BRINP2: variants seen among roughly 807,000 people sequenced by gnomAD.
BRINP2 encodes BMP/retinoic acid inducible neural specific 2.
A neutral mutation model predicts 69.2 loss-of-function variants in BRINP2; 21 were observed. The observed-to-expected ratio is 0.30, with a 90% CI of 0.22 to 0.44. The LOEUF is 0.44. Ranked by LOEUF, BRINP2 falls within the 20% of genes least tolerant of loss-of-function variation. The probability of loss-of-function intolerance (pLI) is 1.00; values close to 1 mark genes in which losing one functional copy is unlikely to be tolerated. For missense variants in BRINP2, 877 were observed against 986.0 expected (o/e 0.89, Z 1.48); for synonymous variants, 380 against 394.1 (o/e 0.96, Z 0.42).
At chr1:177,192,486 A>G (rs1181209392) in intron 1 of BRINP2, among the ~76,000 whole-genome samples, 1 of 152,102 alleles carries the variant, frequency 6.6e-6, no homozygotes, top group African/African-American at 2.4e-5. Context: ...TTGGTTTCCA[A>G]CTCTGTCTAA....
At chr1:177,255,897 T>TATCCCTTGGCTTTTCCCCC in intron 2 of BRINP2, 22 bp from the exon 3 acceptor site, 1 of 1,611,010 alleles carries the variant, frequency 6.2e-7, no homozygotes, top group Non-Finnish European at 8.5e-7. Flanking sequence ...AGCTTTTCCT[T>TATCCCTTGGCTTTTCCCCC]ATCCCTTGGC....
chr1:177,230,439 C>T (rs1258491920), intron 2 of BRINP2, among the ~76,000 whole-genome samples: 3 of 152,208 alleles, frequency 2.0e-5, no homozygotes, highest in Non-Finnish European at 4.4e-5. Context: ...AATCAGGCAG[C>T]ATGGAGTCAG....
intron 1 of BRINP2, among the ~76,000 whole-genome samples, chr1:177,201,162 C>A (rs1648898981): frequency 6.6e-6 from 1 of 152,018 alleles, no homozygotes; most frequent in Non-Finnish European, 1.5e-5. Context: ...CAAACACCAC[C>A]TGTTTCCCCC....
chr1:177,273,967 C>T (rs1260634627), intron 5 of BRINP2, among the ~76,000 whole-genome samples: 2 of 152,238 alleles, frequency 1.3e-5, no homozygotes, highest in Non-Finnish European at 2.9e-5. Context: ...CCTAAAGACA[C>T]ATTGAGTAAT....
chr1:177,281,456 G>T lies in BRINP2; in HGVS notation c.2280G>T (p.Gln760His). ...KLANNEVGRI[Q>H]SSLRAFNSKL... ...CCAACAATGAGGTGGGCAGGATCCAGTCCTCCCTGAGGGCTTTCAATTCTA... is the reference window on the plus strand; with the variant it reads ...CCAACAATGAGGTGGGCAGGATCCATTCCTCCCTGAGGGCTTTCAATTCTA... Residue 760 changes from glutamine (Q) to histidine (H), a missense_variant, in exon 8 of 8, where the codon CAG becomes CAT. Transcript: ENST00000361539. 6.2e-7 allele frequency: 1 copy of T among 1,613,786 alleles called. No homozygotes were observed. The highest frequency in any genetic ancestry group is 1.3e-5 in the African/African-American group (1 of 75,008).
At chr1:177,187,203 A>ACTGTTTCCTGCC (rs1467351114) in intron 1 of BRINP2, among the ~76,000 whole-genome samples, 1 of 149,772 alleles carries the variant, frequency 6.7e-6, no homozygotes, top group African/African-American at 2.5e-5. Context: ...CTCTAACTCA[A>ACTGTTTCCTGCC]CTGTTTCCTG....
At chr1:177,215,846 T>C (rs967010137) in intron 1 of BRINP2, among the ~76,000 whole-genome samples, 1 of 152,156 alleles carries the variant, frequency 6.6e-6, no homozygotes, top group African/African-American at 2.4e-5. Flanking sequence ...GAATTTACAA[T>C]TGTTATATCC....
At chr1:177,182,036 G>A (rs1468605750) in intron 1 of BRINP2, among the ~76,000 whole-genome samples, 1 of 152,172 alleles carries the variant, frequency 6.6e-6, no homozygotes, top group African/African-American at 2.4e-5. Flanking sequence ...TGCGGAGAAG[G>A]AATGGGGAGG....
intron 1 of BRINP2, 46 bp from the exon 2 acceptor site, chr1:177,229,754 TG>T: frequency 7.5e-7 from 1 of 1,340,332 alleles, no homozygotes; most frequent in Non-Finnish European, 1.0e-6. Flanking sequence ...CACAGGCCCA[TG>T]GGGTAACAGG....
intron 1 of BRINP2, among the ~76,000 whole-genome samples, chr1:177,227,748 T>C (rs1191368088): frequency 6.6e-6 from 1 of 152,202 alleles, no homozygotes; most frequent in South Asian, 2.1e-4. Flanking sequence ...AAATATTCCA[T>C]CCTCCATGCA....
chr1:177,267,531 C>T (rs1651167436), intron 4 of BRINP2, among the ~76,000 whole-genome samples: 1 of 152,166 alleles, frequency 6.6e-6, no homozygotes, highest in African/African-American at 2.4e-5. Flanking sequence ...TCGCCATGTC[C>T]TCGGTTCCTG....
Position 177,171,104 on chromosome 1 carries a change from T to A in BRINP2, c.-705T>A, listed in dbSNP as rs1291835962. Among the ~76,000 whole-genome samples the A allele has an allele frequency of 6.6e-6, 1 of 152,196 alleles. No homozygotes were observed. The highest frequency in any genetic ancestry group is 2.1e-4 in the South Asian group (1 of 4,830). Reference sequence around the variant, plus strand: ...TTACGCTGAGCTCGGAGGATCCCATTAGGACTTGCCCGGGGATGTGCACCT... The same window carrying A: ...TTACGCTGAGCTCGGAGGATCCCATAAGGACTTGCCCGGGGATGTGCACCT... On this transcript the variant is annotated 5_prime_UTR_variant, in exon 1 of 8. Coordinates refer to ENST00000361539, the MANE Select transcript of BRINP2 (RefSeq NM_021165.4).
At chr1:177,251,112 A>T (rs1247287545) in intron 2 of BRINP2, among the ~76,000 whole-genome samples, 1 of 152,156 alleles carries the variant, frequency 6.6e-6, no homozygotes, top group Non-Finnish European at 1.5e-5. Context: ...ATTCTGTATT[A>T]TGATTTATTT....
rs1651497557 is a variant in BRINP2 at position 177,276,406 on chromosome 1, C to T, written c.984C>T (p.Ala328=). ...TGCTGCAGATCCAGGACTCCTGGGC[C>T]ACTCACAACCGGCAGTTTGAAGAGT... ...DSLLQIQDSW[A]THNRQFEESE... is the part of the protein sequence containing the mutation. Residue 328 remains alanine (A), a synonymous_variant, in exon 6 of 8, where the codon GCC becomes GCT. Coordinates refer to ENST00000361539, the MANE Select transcript of BRINP2 (RefSeq NM_021165.4). 1 of 1,614,140 alleles carries T rather than the reference C, an allele frequency of 6.2e-7. No homozygotes were observed. The highest frequency in any genetic ancestry group is 8.5e-7 in the Non-Finnish European group (1 of 1,180,032).
At position 177,189,678 on chromosome 1, in the gene BRINP2, AT is replaced by A. The variant is rs1558152889; in HGVS notation, c.-77+17948del. On this transcript the variant is annotated intron_variant, in intron 1 of 7. Coordinates refer to ENST00000361539, the MANE Select transcript of BRINP2 (RefSeq NM_021165.4). ...CTTCTCAACTTAGAAACTAGGTAACATTGATAATTACTTTAAACAGAGGCCT... is the reference window on the plus strand; with the variant it reads ...CTTCTCAACTTAGAAACTAGGTAACATGATAATTACTTTAAACAGAGGCCT... Among the ~76,000 whole-genome samples, 12 of 152,302 alleles carry A rather than the reference AT, an allele frequency of 7.9e-5. No individual in the cohort carries two copies. The South Asian group carries it at 2.5e-3, about 32-fold the overall frequency.
In BRINP2 at chr1:177,203,128, C is replaced by T. The variant is rs547008164; in HGVS notation, c.-76-26673C>T. ...TTAAGAAAATGTGGCACATATACACCATGGAATACTATGCAGCCATAAAAA... is the reference window on the plus strand; with the variant it reads ...TTAAGAAAATGTGGCACATATACACTATGGAATACTATGCAGCCATAAAAA... On this transcript the variant is annotated intron_variant, in intron 1 of 7. Transcript: ENST00000361539. Among the ~76,000 whole-genome samples the T allele has an allele frequency of 2.6e-5, 4 of 152,182 alleles. No individual in the cohort carries two copies. In the East Asian group the frequency reaches 7.7e-4, roughly 29 times the overall value.
intron 1 of BRINP2, among the ~76,000 whole-genome samples, chr1:177,194,154 T>C (rs149514894): frequency 3.3e-5 from 5 of 152,330 alleles, no homozygotes; most frequent in African/African-American, 1.2e-4. Context: ...AAGGAAACAG[T>C]GAAATTCTTC....
chr1:177,239,324 C>G (rs1379425340), intron 2 of BRINP2, among the ~76,000 whole-genome samples: 1 of 152,232 alleles, frequency 6.6e-6, no homozygotes, highest in Admixed American at 6.5e-5. Context: ...AATGCACCCA[C>G]AGCAAATTCT....
In BRINP2 at chr1:177,282,050, C is replaced by T. The variant is rs1651722200; in HGVS notation, c.*522C>T. ...GGTTCTTACTTTTGTATGCTGCCTC[C>T]TCTGTGCCCTCCCAGACGCTGACTG... On this transcript the variant is annotated 3_prime_UTR_variant, in exon 8 of 8. Coordinates refer to ENST00000361539, the MANE Select transcript of BRINP2 (RefSeq NM_021165.4). The T allele has an allele frequency of 6.5e-6, 1 of 152,952 alleles. No individual in the cohort carries two copies. Among genetic ancestry groups the T allele is most frequent in the Admixed American group, 6.5e-5 (1 of 15,288 alleles). The allele number at this position is 152,952 out of a possible 1,614,324, so 9.5% of individuals were successfully genotyped here.
Sources: allele counts gnomAD v4.1 joint callset (sites outside exome capture counted in the v4.1 genomes callset), GRCh38; gene constraint gnomAD v4.1.1; transcripts MANE v1.5; gene names NCBI Gene and HGNC (gene_info 2026-07-23, HGNC 2026-07-21).